RYR2: variants seen among roughly 807,000 people sequenced by gnomAD.
RYR2 encodes cardiac muscle ryanodine receptor-calcium release channel.
Under a neutral mutation model 601.1 loss-of-function variants are expected in RYR2, and 227 were observed. That is an observed-to-expected ratio of 0.38 (90% CI 0.34 to 0.42). The LOEUF (loss-of-function observed/expected upper bound fraction) is 0.42. Among genes scored for constraint, RYR2 ranks in the 10% least tolerant of loss-of-function variants. RYR2 has a pLI of 1.00. For missense variants in RYR2, 4,646 were observed against 6,156.5 expected (o/e 0.75, Z 8.21); for synonymous variants, 2,223 against 2,175.1 (o/e 1.02, Z -0.61).
chr1:237,704,291 C>A (rs1170071379), intron 66 of RYR2, among the ~76,000 whole-genome samples: 1 of 152,062 alleles, frequency 6.6e-6, no homozygotes, highest in Non-Finnish European at 1.5e-5. Flanking sequence ...AGAAATATAT[C>A]TGAACTTTAT....
At chr1:237,321,127 T>C (rs1695591763) in intron 2 of RYR2, among the ~76,000 whole-genome samples, 1 of 152,190 alleles carries the variant, frequency 6.6e-6, no homozygotes, top group African/African-American at 2.4e-5. Context: ...TTAGGGCATG[T>C]CACTCAGTTT....
At chr1:237,123,063 G>A (rs1670989565) in intron 1 of RYR2, among the ~76,000 whole-genome samples, 1 of 152,174 alleles carries the variant, frequency 6.6e-6, no homozygotes, top group Non-Finnish European at 1.5e-5. Context: ...CAATTTGTGT[G>A]CGTGTGTTTT....
intron 1 of RYR2, among the ~76,000 whole-genome samples, chr1:237,247,934 C>G (rs1461272454): frequency 1.3e-5 from 2 of 152,054 alleles, no homozygotes; most frequent in Non-Finnish European, 2.9e-5. Flanking sequence ...AACTACAAAA[C>G]AGGAGGCTTA....
chr1:237,321,342 AT>A (rs1695613300), intron 2 of RYR2, among the ~76,000 whole-genome samples: 1 of 152,282 alleles, frequency 6.6e-6, no homozygotes, highest in East Asian at 1.9e-4. Context: ...AAGGTGTTGA[AT>A]GTCTCAGTCT....
chr1:237,119,836 G>A (rs1230363744), intron 1 of RYR2, among the ~76,000 whole-genome samples: 1 of 152,184 alleles, frequency 6.6e-6, no homozygotes, highest in African/African-American at 2.4e-5. Context: ...TTCAATCACT[G>A]CATCTCATCT....
At chr1:237,752,427 G>A (rs1039298940) in intron 80 of RYR2, among the ~76,000 whole-genome samples, 3 of 151,042 alleles carry the variant, frequency 2.0e-5, no homozygotes, top group African/African-American at 4.9e-5. Flanking sequence ...TGAGGTTACA[G>A]GCATGAGCCA....
intron 66 of RYR2, among the ~76,000 whole-genome samples, chr1:237,702,479 A>G (rs931401286): frequency 6.6e-6 from 1 of 152,164 alleles, no homozygotes; most frequent in Non-Finnish European, 1.5e-5. Context: ...AGGTAACATA[A>G]GAAAAGGTAT....
chr1:237,785,929 G>T, intron 90 of RYR2, 40 bp from the exon 91 acceptor site: 1 of 1,381,460 alleles, frequency 7.2e-7, no homozygotes, highest in South Asian at 1.2e-5. Context: ...CAAAGGTGAT[G>T]GGTAATCCTG....
intron 87 of RYR2, among the ~76,000 whole-genome samples, chr1:237,778,176 A>ATAGT (rs1694812341): frequency 1.3e-5 from 2 of 152,220 alleles, no homozygotes; most frequent in Non-Finnish European, 2.9e-5. Context: ...CATTTGTAAA[A>ATAGT]TAGTTGTTCA....
chr1:237,293,404 G>C (rs1010956035), intron 2 of RYR2, among the ~76,000 whole-genome samples: 4 of 151,966 alleles, frequency 2.6e-5, no homozygotes, highest in Non-Finnish European at 4.4e-5. Flanking sequence ...ATAGGGTTTT[G>C]CCATGTTGGC....
At chr1:237,549,420 A>G (rs570278377) in intron 26 of RYR2, among the ~76,000 whole-genome samples, 52 of 152,104 alleles carry the variant, frequency 3.4e-4, no homozygotes, top group Admixed American at 3.4e-3. Context: ...ACAAAAAATT[A>G]AAAAATTAGC....
In RYR2 at chr1:237,782,487, C is replaced by G. The variant is rs1010147657; in HGVS notation, c.11962+841C>G. 3.9e-5 allele frequency among the ~76,000 whole-genome samples: 6 copies of G among 152,316 alleles called. No individual in the cohort carries two copies. The East Asian group carries it at 1.2e-3, about 29-fold the overall frequency. On this transcript the variant is annotated intron_variant, in intron 89 of 104. Coordinates refer to ENST00000366574, the MANE Select transcript of RYR2 (RefSeq NM_001035.3). Reference sequence around the variant, plus strand: ...TCCGTGTCTGCCATACATGGCGTAACTCCACTTCAGTTAACTGAGGCAGCT... The same window carrying G: ...TCCGTGTCTGCCATACATGGCGTAAGTCCACTTCAGTTAACTGAGGCAGCT...
chr1:237,426,819 A>G (rs1706207596), intron 12 of RYR2, among the ~76,000 whole-genome samples: 1 of 152,156 alleles, frequency 6.6e-6, no homozygotes, highest in Non-Finnish European at 1.5e-5. Context: ...TGTGGCTGCA[A>G]TGAGCTATGA....
intron 11 of RYR2, among the ~76,000 whole-genome samples, chr1:237,422,842 A>G (rs982636798): frequency 6.6e-6 from 1 of 152,188 alleles, no homozygotes; most frequent in African/African-American, 2.4e-5. Flanking sequence ...ATGGTACGGC[A>G]TTTAAGTCAG....
chr1:237,042,467 C>G lies in RYR2; in HGVS notation c.-55C>G. ...AGAAGGCAGCGCCAGGGGCCGCCGC[C>G]GCCGCCGAGCTCCGCGGGGCTCGGG... On this transcript the variant is annotated 5_prime_UTR_variant, in exon 1 of 105. Transcript: ENST00000366574. 8.1e-7 allele frequency: 1 copy of G among 1,238,280 alleles called. No individual in the cohort carries two copies. The highest frequency in any genetic ancestry group is 1.0e-6 in the Non-Finnish European group (1 of 982,110). 76.7% of individuals were successfully genotyped at this position (1,238,280 alleles called of 1,614,324 possible). A position where few individuals can be genotyped will look rare whatever the true frequency, so the allele number is the denominator to read the frequency against.
chr1:237,175,365 T>G (rs1294863636), intron 1 of RYR2, among the ~76,000 whole-genome samples: 1 of 152,204 alleles, frequency 6.6e-6, no homozygotes, highest in African/African-American at 2.4e-5. Flanking sequence ...AACCTACTGT[T>G]ATAGATGCCA....
At chr1:237,500,967 C>T in intron 21 of RYR2, 64 bp downstream of exon 21, 1 of 1,422,428 alleles carries the variant, frequency 7.0e-7, no homozygotes, top group Admixed American at 1.7e-5. Context: ...ACAGAAGACT[C>T]TGCACTGCCA....
chr1:237,571,662 G>A (rs548575449), intron 29 of RYR2, among the ~76,000 whole-genome samples: 1 of 152,234 alleles, frequency 6.6e-6, no homozygotes, highest in East Asian at 1.9e-4. Context: ...CAAAATGTTA[G>A]CCAGTTTGTT....
intron 101 of RYR2, 125 bp from the exon 102 acceptor site, chr1:237,828,256 G>T: frequency 9.9e-6 from 6 of 608,818 alleles, no homozygotes; most frequent in Non-Finnish European, 1.8e-5. Context: ...ATGTAGTCAC[G>T]TTTACCATGT....
Sources: allele counts gnomAD v4.1 joint callset (sites outside exome capture counted in the v4.1 genomes callset), GRCh38; gene constraint gnomAD v4.1.1; transcripts MANE v1.5; gene names NCBI Gene and HGNC (gene_info 2026-07-23, HGNC 2026-07-21).